Variants in DYRK1A observed in about 807,000 individuals in gnomAD.
DYRK1A encodes dual specificity tyrosine-phosphorylation-regulated kinase 1A.
DYRK1A carries 9 observed loss-of-function variants against 79.7 expected under a neutral mutation model. The observed-to-expected ratio is 0.11, with a 90% CI of 0.07 to 0.20. DYRK1A has a LOEUF of 0.20. DYRK1A is among the 10% of genes least tolerant of loss of function. DYRK1A has a pLI of 1.00. For missense variants in DYRK1A, 622 were observed against 956.0 expected (o/e 0.65, Z 4.61); for synonymous variants, 349 against 329.7 (o/e 1.06, Z -0.63).
rs1003365289 is a variant in DYRK1A, at chr21:37,439,366, G to T, written c.10+18982G>T. On this transcript the variant is annotated intron_variant, in intron 2 of 11. Transcript: ENST00000647188. ...TAGACTACAATGTTGAATAGAAGTAGTGAAAGAGGACATTCTGTTTTGTTC... is the reference window on the plus strand; with the variant it reads ...TAGACTACAATGTTGAATAGAAGTATTGAAAGAGGACATTCTGTTTTGTTC... 3.3e-5 allele frequency among the ~76,000 whole-genome samples: 5 copies of T among 152,368 alleles called. No individual in the cohort carries two copies. The South Asian group carries it at 1.0e-3, about 32-fold the overall frequency.
At chr21:37,415,089 T>G (rs974484857) in intron 1 of DYRK1A, among the ~76,000 whole-genome samples, 1 of 152,164 alleles carries the variant, frequency 6.6e-6, no homozygotes, top group African/African-American at 2.4e-5. Context: ...CCCTCCTGTT[T>G]TCCTCTATTT....
At chr21:37,369,544 T>G (rs1477636601) in intron 1 of DYRK1A, among the ~76,000 whole-genome samples, 1 of 152,260 alleles carries the variant, frequency 6.6e-6, no homozygotes, top group Non-Finnish European at 1.5e-5. Context: ...TAAGGATTTC[T>G]GTCAATGTCT....
chr21:37,519,074 T>G lies in DYRK1A; in HGVS notation c.*6543T>G, dbSNP rs1023291335. On this transcript the variant is annotated 3_prime_UTR_variant, in exon 12 of 12. Transcript: ENST00000647188. Reference sequence around the variant, plus strand: ...ATATAAAACTTACACAGTTTGTTCCTTTTTGTTGTCTTCCCTTGTGGAGAT... The same window carrying G: ...ATATAAAACTTACACAGTTTGTTCCGTTTTGTTGTCTTCCCTTGTGGAGAT... The G allele has an allele frequency of 5.9e-5, 9 of 152,220 alleles. No homozygotes were observed. The highest frequency in any genetic ancestry group is 1.3e-4 in the Non-Finnish European group (9 of 68,042). 9.4% of individuals were successfully genotyped at this position (152,220 alleles called of 1,614,324 possible).
intron 1 of DYRK1A, among the ~76,000 whole-genome samples, chr21:37,373,126 A>G (rs973724952): frequency 2.0e-5 from 3 of 152,068 alleles, no homozygotes; most frequent in Non-Finnish European, 4.4e-5. Context: ...CTTCCTGACT[A>G]CCACTCCTTA....
At chr21:37,454,761 A>G (rs1488980325) in intron 2 of DYRK1A, among the ~76,000 whole-genome samples, 1 of 152,178 alleles carries the variant, frequency 6.6e-6, no homozygotes, top group Non-Finnish European at 1.5e-5. Context: ...ACAACTTAGA[A>G]GTTAAGATTA....
At chr21:37,469,884 G>A (rs902552593) in intron 2 of DYRK1A, among the ~76,000 whole-genome samples, 2 of 152,134 alleles carry the variant, frequency 1.3e-5, no homozygotes, top group South Asian at 2.1e-4. Context: ...AAAACATCAC[G>A]CCTGTAATCC....
chr21:37,382,933 A>G (rs2049687384), intron 1 of DYRK1A, among the ~76,000 whole-genome samples: 1 of 152,228 alleles, frequency 6.6e-6, no homozygotes. Context: ...ACCTTGTGTT[A>G]TTGGTTCATT....
chr21:37,461,225 G>A (rs1441704660), intron 2 of DYRK1A, among the ~76,000 whole-genome samples: 1 of 151,624 alleles, frequency 6.6e-6, no homozygotes, highest in African/African-American at 2.4e-5. Context: ...TCAAATATAG[G>A]TAGTATTTCA....
At chr21:37,474,089 C>T (rs2052317537) in intron 3 of DYRK1A, among the ~76,000 whole-genome samples, 1 of 152,176 alleles carries the variant, frequency 6.6e-6, no homozygotes, top group Admixed American at 6.5e-5. Context: ...AAGGACTGCG[C>T]TCCCATTTGT....
rs1054783293 is a variant in DYRK1A at position 37,512,014 on chromosome 21, C to T, written c.1748C>T (p.Ala583Val). Residue 583 changes from alanine to valine, a missense_variant, in exon 12 of 12, where the codon GCC becomes GTC. Transcript: ENST00000647188. ...HPVQETTFHV[A>V]PQQNALHHHH... ...GTTCAAGAAACAACCTTTCATGTAG[C>T]CCCTCAACAGAATGCATTGCATCAT... 14 of 1,614,142 alleles carry T rather than the reference C, an allele frequency of 8.7e-6. No homozygotes were observed. Among genetic ancestry groups the T allele is most frequent in the Non-Finnish European group, 1.2e-5 (14 of 1,180,028 alleles).
intron 1 of DYRK1A, among the ~76,000 whole-genome samples, chr21:37,384,650 A>C (rs1035437324): frequency 6.6e-6 from 1 of 152,206 alleles, no homozygotes; most frequent in African/African-American, 2.4e-5. Context: ...ATGTGTAAAG[A>C]AGCAGGTTAA....
chr21:37,366,174 G>T (rs978329180), upstream of DYRK1A: 3 of 151,168 alleles, frequency 2.0e-5, no homozygotes, highest in Non-Finnish European at 4.4e-5. Context: ...CGAGCGCGGC[G>T]CCCGGACCGC....
At chr21:37,506,372 A>G in intron 11 of DYRK1A, 149 bp downstream of exon 11, 1 of 1,544,688 alleles carries the variant, frequency 6.5e-7, no homozygotes, top group Non-Finnish European at 8.8e-7. Flanking sequence ...TTTATCATAG[A>G]GAAGCACATT....
intron 11 of DYRK1A, among the ~76,000 whole-genome samples, chr21:37,508,337 G>C (rs986287004): frequency 1.3e-5 from 2 of 152,146 alleles, no homozygotes; most frequent in African/African-American, 4.8e-5. Context: ...GCCCAGGCTG[G>C]GGTGGAATGG....
In DYRK1A at chr21:37,519,748, T is replaced by TTTTGTTTTGTTTTGTTTTTTGTTTTG. The variant is rs1306641734; in HGVS notation, c.*7220_*7221insGTTTTGTTTTGTTTTTTGTTTTGTTT. On this transcript the variant is annotated 3_prime_UTR_variant, in exon 12 of 12. Coordinates refer to ENST00000647188, the MANE Select transcript of DYRK1A (RefSeq NM_001347721.2). ...TTTGTTGTGGGAAGTTTTTTTTTTTTTTTTTTTTTTTGAGGCGGAGTCTCG... is the reference window on the plus strand; with the variant it reads ...TTTGTTGTGGGAAGTTTTTTTTTTTTTTTGTTTTGTTTTGTTTTTTGTTTTGTTTTTTTTTTTGAGGCGGAGTCTCG... 1 of 126,718 alleles carries TTTTGTTTTGTTTTGTTTTTTGTTTTG rather than the reference T, an allele frequency of 7.9e-6. No homozygotes were observed. Among genetic ancestry groups the TTTTGTTTTGTTTTGTTTTTTGTTTTG allele is most frequent in the Non-Finnish European group, 1.6e-5 (1 of 63,478 alleles). The allele number at this position is 126,718 out of a possible 1,614,324, so 7.8% of individuals were successfully genotyped here. A position where few individuals can be genotyped will look rare whatever the true frequency, so the allele number is the denominator to read the frequency against.
chr21:37,382,034 A>C (rs2049667971), intron 1 of DYRK1A, among the ~76,000 whole-genome samples: 1 of 152,084 alleles, frequency 6.6e-6, no homozygotes, highest in Non-Finnish European at 1.5e-5. Flanking sequence ...GATATGTTTG[A>C]ATATAGTTTT....
chr21:37,410,881 C>G (rs763292774), intron 1 of DYRK1A, among the ~76,000 whole-genome samples: 1 of 151,888 alleles, frequency 6.6e-6, no homozygotes, highest in Non-Finnish European at 1.5e-5. Flanking sequence ...AACTCTGTCT[C>G]TACTAAAAAT....
At chr21:37,489,633 T>A (rs201010196) in intron 6 of DYRK1A, among the ~76,000 whole-genome samples, 10 of 143,584 alleles carry the variant, frequency 7.0e-5, no homozygotes, top group African/African-American at 7.7e-5. Flanking sequence ...GCCTAAAGGG[T>A]AAAAAAAAAA....
rs151083250 is a variant in DYRK1A at position 37,452,553 on chromosome 21, C to A, written c.11-20131C>A. ...CTGAGGCTTGAGTTAGCTTTGGAAT[C>A]TTTTCTATAGCAGTGAGTGCTCCAG... is the stretch of plus-strand genomic sequence containing the variant. On this transcript the variant is annotated intron_variant, in intron 2 of 11. Transcript: ENST00000647188. Among the ~76,000 whole-genome samples the A allele has an allele frequency of 7.0e-3, 1,067 of 152,196 alleles. 13 individuals carry two copies. The highest frequency in any genetic ancestry group is 0.025 in the African/African-American group (1,025 of 41,530).
Sources: gnomAD v4.1 joint callset for allele counts (sites outside exome capture counted in the v4.1 genomes callset) on GRCh38, gnomAD v4.1.1 for gene constraint, MANE v1.5 for transcripts, NCBI Gene and HGNC (gene_info 2026-07-23, HGNC 2026-07-21) for gene names.